The following LRRIQ3 variants were observed in gnomAD, a reference collection of about 807,000 sequenced individuals.
The protein encoded by LRRIQ3 is leucine-rich repeat and IQ domain-containing protein 3.
In LRRIQ3, 75 loss-of-function variants were observed where a neutral mutation model predicts 59.3. The ratio of observed to expected loss-of-function variants is 1.26; its 90% confidence interval spans 1.05 to 1.53. LRRIQ3 has a LOEUF of 1.53. Among genes scored for constraint, LRRIQ3 ranks in the 40% most tolerant of loss-of-function variants. The pLI, the probability that LRRIQ3 is intolerant of heterozygous loss-of-function variation, is 0.00. For missense variants in LRRIQ3, 831 were observed against 710.0 expected (o/e 1.17, Z -1.94); for synonymous variants, 250 against 231.3 (o/e 1.08, Z -0.73).
chr1:74,139,387 T>G (rs1206314804), intron 4 of LRRIQ3, among the ~76,000 whole-genome samples: 1 of 151,636 alleles, frequency 6.6e-6, no homozygotes, highest in Non-Finnish European at 1.5e-5. Flanking sequence ...ACACCAAAAT[T>G]TTTAGTGTCA....
intron 5 of LRRIQ3, among the ~76,000 whole-genome samples, chr1:74,088,721 G>GA (rs1374439353): frequency 6.6e-6 from 1 of 151,362 alleles, no homozygotes; most frequent in Non-Finnish European, 1.5e-5. Context: ...ACGCTTAGAA[G>GA]AAAACATAGA....
chr1:74,174,817 T>C (rs1472173226), intron 3 of LRRIQ3, among the ~76,000 whole-genome samples: 2 of 152,230 alleles, frequency 1.3e-5, no homozygotes, highest in Non-Finnish European at 1.5e-5. Context: ...TGTTCTTTTG[T>C]AGTTCACTAA....
chr1:74,125,005 A>G (rs951697882), intron 4 of LRRIQ3, among the ~76,000 whole-genome samples: 1 of 151,482 alleles, frequency 6.6e-6, no homozygotes, highest in Non-Finnish European at 1.5e-5. Context: ...ATGTATTTCC[A>G]TTTTTTTTGT....
At chr1:74,143,488 G>A (rs546881890) in intron 4 of LRRIQ3, among the ~76,000 whole-genome samples, 2 of 151,852 alleles carry the variant, frequency 1.3e-5, no homozygotes, top group East Asian at 1.9e-4. Flanking sequence ...TTAAATCATT[G>A]TATATATCCA....
In LRRIQ3 at chr1:74,182,870, T is replaced by C. The variant is rs775539238; in HGVS notation, c.250-9A>G. The C allele has an allele frequency of 2.9e-5, 40 of 1,374,744 alleles. No homozygotes were observed. The highest frequency in any genetic ancestry group is 2.7e-4 in the East Asian group (11 of 40,242). The allele number at this position is 1,374,744 out of a possible 1,614,324, so 85.2% of individuals were successfully genotyped here. A position where few individuals can be genotyped will look rare whatever the true frequency, so the allele number is the denominator to read the frequency against. On this transcript the variant is annotated splice_polypyrimidine_tract_variant and intron_variant, in intron 2 of 7. Transcript: ENST00000354431. ...TTTGGTAGACTCTTTATCTGAAATA[T>C]TATTAAAAATCTTTTAAATTCCAAA...
At chr1:74,132,543 C>T (rs961078399) in intron 4 of LRRIQ3, among the ~76,000 whole-genome samples, 3 of 151,808 alleles carry the variant, frequency 2.0e-5, no homozygotes, top group Admixed American at 6.6e-5. Flanking sequence ...CAGAACAGAG[C>T]CCTCAGAAAT....
At chr1:74,185,255 T>C (rs1362088812) in intron 1 of LRRIQ3, among the ~76,000 whole-genome samples, 3 of 152,196 alleles carry the variant, frequency 2.0e-5, no homozygotes, top group African/African-American at 4.8e-5. Flanking sequence ...CCATTTGGAC[T>C]CCCACCAGCA....
At chr1:74,037,827 G>A (rs961332613) in intron 7 of LRRIQ3, among the ~76,000 whole-genome samples, 1 of 152,094 alleles carries the variant, frequency 6.6e-6, no homozygotes, top group African/African-American at 2.4e-5. Flanking sequence ...CTAGGAAACC[G>A]TGCTTTTTCC....
At chr1:74,169,970 G>C (rs185362923) in intron 3 of LRRIQ3, among the ~76,000 whole-genome samples, 1 of 151,876 alleles carries the variant, frequency 6.6e-6, no homozygotes, top group East Asian at 1.9e-4. Flanking sequence ...TGTATTCTTT[G>C]GAGAAATGTC....
At chr1:74,174,154 G>A (rs76869644) in intron 3 of LRRIQ3, among the ~76,000 whole-genome samples, 102 of 151,786 alleles carry the variant, frequency 6.7e-4, no homozygotes, top group African/African-American at 2.3e-3. Context: ...TCCATAATGC[G>A]TTATATTGTT....
At chr1:74,181,023 AT>A in intron 3 of LRRIQ3, 1 of 479,486 alleles carries the variant, frequency 2.1e-6, no homozygotes, top group Non-Finnish European at 3.7e-6. Flanking sequence ...GAGGACAAGA[AT>A]TTTGTCAGTA....
At chr1:74,055,049 A>G (rs909849788) in intron 6 of LRRIQ3, among the ~76,000 whole-genome samples, 2 of 148,038 alleles carry the variant, frequency 1.4e-5, no homozygotes, top group Non-Finnish European at 3.0e-5. Context: ...AAATACCCAC[A>G]TACATATTAA....
chr1:74,136,087 GA>G (rs781697840), intron 4 of LRRIQ3, among the ~76,000 whole-genome samples: 156 of 151,816 alleles, frequency 1.0e-3, no homozygotes, highest in Admixed American at 2.2e-3. Context: ...AATATCAAAA[GA>G]AAATATGAGA....
At position 74,155,787 on chromosome 1, in the gene LRRIQ3, G is replaced by A; in HGVS notation, c.653C>T (p.Pro218Leu). The A allele has an allele frequency of 6.3e-7, 1 of 1,583,546 alleles. No homozygotes were observed. The highest frequency in any genetic ancestry group is 8.6e-7 in the Non-Finnish European group (1 of 1,168,180). Residue 218 changes from proline (P) to leucine (L), a missense_variant, in exon 4 of 8, where the codon CCA becomes CTA. By Grantham distance (98) the Pro-to-Leu change is moderately conservative (BLOSUM62 -3). Coordinates refer to ENST00000354431, the MANE Select transcript of LRRIQ3 (RefSeq NM_001105659.2). ...TATCCATCTTTGAACAATCAAAACTGGTGAATTATGAGCCAGAATTGCATT... is the reference window on the plus strand; with the variant it reads ...TATCCATCTTTGAACAATCAAAACTAGTGAATTATGAGCCAGAATTGCATT... Reference protein sequence around the residue: ...KINAILAHNSPVLIVQRWIRG... With the variant: ...KINAILAHNSLVLIVQRWIRG...
intron 5 of LRRIQ3, among the ~76,000 whole-genome samples, chr1:74,108,176 A>G (rs931621623): frequency 2.0e-5 from 3 of 151,804 alleles, no homozygotes; most frequent in Non-Finnish European, 4.4e-5. Context: ...TTACACAACA[A>G]ATTGGTTATC....
intron 4 of LRRIQ3, among the ~76,000 whole-genome samples, chr1:74,146,098 C>T (rs967814846): frequency 2.0e-5 from 3 of 151,926 alleles, no homozygotes; most frequent in African/African-American, 4.8e-5. Context: ...GCTACAAATA[C>T]GCTATACCAC....
intron 7 of LRRIQ3, among the ~76,000 whole-genome samples, chr1:74,037,603 T>G (rs1192197219): frequency 6.6e-6 from 1 of 152,034 alleles, no homozygotes; most frequent in Admixed American, 6.6e-5. Flanking sequence ...GCACTCCAGC[T>G]TGGGCAACAA....
chr1:74,099,448 T>C (rs531992721), intron 5 of LRRIQ3, among the ~76,000 whole-genome samples: 3 of 152,218 alleles, frequency 2.0e-5, no homozygotes, highest in African/African-American at 4.8e-5. Context: ...AAGGACTAGA[T>C]GGATTCACAG....
chr1:74,068,436 G>A (rs1009060545), intron 6 of LRRIQ3, among the ~76,000 whole-genome samples: 1 of 151,972 alleles, frequency 6.6e-6, no homozygotes, highest in African/African-American at 2.4e-5. Context: ...TTTGCTCACA[G>A]TCAAGTGGAG....
Sources: gnomAD v4.1 joint callset for allele counts (sites outside exome capture counted in the v4.1 genomes callset) on GRCh38, gnomAD v4.1.1 for gene constraint, MANE v1.5 for transcripts, NCBI Gene and HGNC (gene_info 2026-07-23, HGNC 2026-07-21) for gene names.